The following SPAG16 variants were observed in gnomAD, a reference collection of about 807,000 sequenced individuals.
The protein encoded by SPAG16 is sperm associated antigen 16.
A neutral mutation model predicts 80.4 loss-of-function variants in SPAG16; 86 were observed. That is an observed-to-expected ratio of 1.07 (90% CI 0.90 to 1.28). The LOEUF is 1.28. SPAG16 is among the 50% of genes most tolerant of loss of function. The pLI is 0.00. For synonymous variants in SPAG16, 294 were observed against 265.9 expected (o/e 1.11, Z -1.03); for missense variants, 870 against 765.3 (o/e 1.14, Z -1.61).
chr2:213,897,823 T>G (rs191507929), intron 11 of SPAG16, among the ~76,000 whole-genome samples: 1 of 152,186 alleles, frequency 6.6e-6, no homozygotes, highest in Admixed American at 6.6e-5. Context: ...ATTCTGCTCA[T>G]AAAATCCCAT....
At chr2:213,574,826 C>G (rs1053295771) in intron 10 of SPAG16, among the ~76,000 whole-genome samples, 1 of 151,600 alleles carries the variant, frequency 6.6e-6, no homozygotes, top group Non-Finnish European at 1.5e-5. Context: ...TTTAACAGCT[C>G]TTTATAAACA....
chr2:214,007,581 TTTTA>T (rs2047086551), intron 12 of SPAG16, among the ~76,000 whole-genome samples: 1 of 152,214 alleles, frequency 6.6e-6, no homozygotes, highest in African/African-American at 2.4e-5. Context: ...CTTTATCAGG[TTTTA>T]TTTATCTAAA....
intron 10 of SPAG16, among the ~76,000 whole-genome samples, chr2:213,660,761 A>C (rs1164441509): frequency 6.6e-6 from 1 of 152,190 alleles, no homozygotes; most frequent in African/African-American, 2.4e-5. Flanking sequence ...AAACTAGAAG[A>C]ACATGTTTTC....
intron 14 of SPAG16, among the ~76,000 whole-genome samples, chr2:214,123,984 G>A (rs1299676090): frequency 1.3e-5 from 2 of 151,932 alleles, no homozygotes; most frequent in East Asian, 3.9e-4. Context: ...TTTTTTATGT[G>A]ACTAATACCT....
At chr2:213,331,681 C>T (rs1304327176) in intron 5 of SPAG16, among the ~76,000 whole-genome samples, 1 of 152,184 alleles carries the variant, frequency 6.6e-6, no homozygotes, top group Non-Finnish European at 1.5e-5. Context: ...TATCAAACAT[C>T]TTCTCTGACC....
chr2:213,487,049 T>C (rs2125714813), intron 9 of SPAG16, among the ~76,000 whole-genome samples: 1 of 152,212 alleles, frequency 6.6e-6, no homozygotes, highest in East Asian at 1.9e-4. Flanking sequence ...TTTTGAAAGC[T>C]TGTTAAATAG....
chr2:213,602,317 G>A (rs2061096030), intron 10 of SPAG16, among the ~76,000 whole-genome samples: 1 of 152,056 alleles, frequency 6.6e-6, no homozygotes, highest in Non-Finnish European at 1.5e-5. Context: ...AATAACAGTG[G>A]GAAACCAAAC....
At chr2:214,341,714 G>A (rs1697711056) in intron 15 of SPAG16, among the ~76,000 whole-genome samples, 1 of 152,130 alleles carries the variant, frequency 6.6e-6, no homozygotes, top group African/African-American at 2.4e-5. Context: ...ATCAGGATAA[G>A]CACATTTTCA....
At chr2:213,554,922 C>T (rs1228568374) in intron 10 of SPAG16, among the ~76,000 whole-genome samples, 2 of 151,748 alleles carry the variant, frequency 1.3e-5, no homozygotes, top group Non-Finnish European at 2.9e-5. Context: ...AGGTAGAAAG[C>T]TCATCTAAAG....
At chr2:213,297,059 T>G in intron 2 of SPAG16, 1 of 1,403,558 alleles carries the variant, frequency 7.1e-7, no homozygotes, top group Non-Finnish European at 9.4e-7. Context: ...CTGAATTTAT[T>G]AGAAGTGACG....
chr2:213,932,180 A>AT (rs1369487080), intron 12 of SPAG16, among the ~76,000 whole-genome samples: 1 of 20,868 alleles, frequency 4.8e-5, no homozygotes, highest in Non-Finnish European at 2.2e-4. Flanking sequence ...ATATATATAT[A>AT]TATATATATA....
At chr2:213,840,356 A>G (rs1364634590) in intron 10 of SPAG16, among the ~76,000 whole-genome samples, 2 of 152,194 alleles carry the variant, frequency 1.3e-5, no homozygotes, top group Non-Finnish European at 2.9e-5. Flanking sequence ...ATGCTTTCTC[A>G]GAAGGCACTC....
intron 10 of SPAG16, among the ~76,000 whole-genome samples, chr2:213,814,744 C>T (rs555437258): frequency 1.3e-5 from 2 of 151,932 alleles, no homozygotes; most frequent in Non-Finnish European, 2.9e-5. Context: ...GAGCCGAGAT[C>T]GCACCACTGC....
intron 10 of SPAG16, among the ~76,000 whole-genome samples, chr2:213,572,706 G>T (rs979976676): frequency 6.6e-6 from 1 of 151,982 alleles, no homozygotes; most frequent in African/African-American, 2.4e-5. Flanking sequence ...TCTGTGCCCT[G>T]CCCCCAGAGG....
At chr2:213,460,529 C>T (rs185296489) in intron 9 of SPAG16, among the ~76,000 whole-genome samples, 130 of 152,202 alleles carry the variant, frequency 8.5e-4, no homozygotes, top group Non-Finnish European at 1.6e-3. Flanking sequence ...AACAGAATCA[C>T]GTGGCAAAGA....
At chr2:213,737,518 C>T (rs1488227286) in intron 10 of SPAG16, among the ~76,000 whole-genome samples, 3 of 143,452 alleles carry the variant, frequency 2.1e-5, no homozygotes, top group East Asian at 2.1e-4. Flanking sequence ...GACGGAGTCT[C>T]GCTCTGTCGC....
chr2:213,967,645 T>C (rs931993), intron 12 of SPAG16, among the ~76,000 whole-genome samples: 110,817 of 152,020 alleles, frequency 0.73, 40,618 homozygotes, highest in South Asian at 0.86. Flanking sequence ...AAATTATGTC[T>C]TAACCCCTGC....
At chr2:213,985,672 T>G (rs890844091) in intron 12 of SPAG16, among the ~76,000 whole-genome samples, 18 of 152,042 alleles carry the variant, frequency 1.2e-4, no homozygotes, top group Admixed American at 1.1e-3. Flanking sequence ...TCTGGCTGAA[T>G]GCAAACTGGG....
intron 10 of SPAG16, among the ~76,000 whole-genome samples, chr2:213,768,579 C>G (rs1441696364): frequency 6.6e-6 from 1 of 151,984 alleles, no homozygotes; most frequent in African/African-American, 2.4e-5. Context: ...TGAATTTGGA[C>G]AACTAGTTGG....
Sources: gnomAD v4.1 joint callset for allele counts (sites outside exome capture counted in the v4.1 genomes callset) on GRCh38, gnomAD v4.1.1 for gene constraint, MANE v1.5 for transcripts, NCBI Gene and HGNC (gene_info 2026-07-23, HGNC 2026-07-21) for gene names.